The following PCDHGA4 variants were observed in gnomAD, a reference collection of about 807,000 sequenced individuals.
PCDHGA4 encodes the protein protocadherin gamma-A4.
PCDHGA4 carries 38 observed loss-of-function variants against 54.6 expected under a neutral mutation model. The observed-to-expected ratio is 0.70, with a 90% CI of 0.54 to 0.91. PCDHGA4 has a LOEUF of 0.91. Among genes scored for constraint, PCDHGA4 ranks in the 40% least tolerant of loss-of-function variants. The pLI, the probability that PCDHGA4 is intolerant of heterozygous loss-of-function variation, is 0.00. For synonymous variants in PCDHGA4, 511 were observed against 512.9 expected (o/e 1.00, Z 0.05); for missense variants, 1,298 against 1,220.9 (o/e 1.06, Z -0.94).
intron 1 of PCDHGA4, chr5:141,404,452 T>G (rs1197188094): frequency 2.5e-6 from 4 of 1,613,228 alleles, no homozygotes; most frequent in Non-Finnish European, 3.4e-6. Context: ...AAGGGTCTCC[T>G]CTCTCCACCT....
intron 1 of PCDHGA4, chr5:141,374,416 G>T (rs1770482486): frequency 6.2e-7 from 1 of 1,613,830 alleles, no homozygotes; most frequent in Non-Finnish European, 8.5e-7. Flanking sequence ...TCCTTGTCGA[G>T]GATAAACTGA....
chr5:141,427,197 A>C (rs1277186420), intron 1 of PCDHGA4: 4 of 456,762 alleles, frequency 8.8e-6, no homozygotes, highest in Admixed American at 2.3e-5. Context: ...CAAAGACTTA[A>C]TAGACTTCGA....
intron 1 of PCDHGA4, chr5:141,421,777 CG>C (rs760013586): frequency 1.2e-6 from 2 of 1,613,804 alleles, no homozygotes; most frequent in Admixed American, 3.3e-5. Flanking sequence ...CTTGCAACTG[CG>C]GGGCAGAACG....
chr5:141,360,997 G>T (rs766404886), intron 1 of PCDHGA4: 2 of 1,613,544 alleles, frequency 1.2e-6, no homozygotes, highest in Admixed American at 1.7e-5. Flanking sequence ...GGACGAACAA[G>T]TGAAACACTT....
chr5:141,425,217 T>G (rs565640413), intron 1 of PCDHGA4, among the ~76,000 whole-genome samples: 51 of 152,294 alleles, frequency 3.3e-4, no homozygotes, highest in Middle Eastern at 3.4e-3. Flanking sequence ...GCATTGTACT[T>G]TGACTGGAAT....
chr5:141,456,229 C>G (rs191169523), intron 1 of PCDHGA4, among the ~76,000 whole-genome samples: 9 of 152,234 alleles, frequency 5.9e-5, no homozygotes, highest in African/African-American at 1.7e-4. Context: ...ATCAAACTAA[C>G]TGCTGTTAGG....
At position 141,362,384 on chromosome 5, in the gene PCDHGA4, A is replaced by G. The variant is rs1333592752; in HGVS notation, c.2514+4763A>G. The G allele has an allele frequency of 1.9e-6, 3 of 1,614,042 alleles. No homozygotes were observed. The highest frequency in any genetic ancestry group is 2.5e-6 in the Non-Finnish European group (3 of 1,179,894). On this transcript the variant is annotated intron_variant, in intron 1 of 3. Coordinates refer to ENST00000571252, the MANE Select transcript of PCDHGA4 (RefSeq NM_018917.4). ...AATTACAGTGAGGGTACATTGCCCTATTCCTACAACCTGTGTGTTGCCTCA... is the reference window on the plus strand; with the variant it reads ...AATTACAGTGAGGGTACATTGCCCTGTTCCTACAACCTGTGTGTTGCCTCA...
chr5:141,415,048 G>C lies in PCDHGA4; in HGVS notation c.2514+57427G>C, dbSNP rs535976406. The C allele has an allele frequency of 5.0e-5, 80 of 1,613,320 alleles. 1 individual carries two copies. The Admixed American group carries it at 6.0e-4, about 12-fold the overall frequency. ...CGAGCCGGGACTCTTCGCGGTGGGG[G>C]AGCACACGGGCGAGGTGCGCACGGC... is the stretch of plus-strand genomic sequence containing the variant. On this transcript the variant is annotated intron_variant, in intron 1 of 3. Transcript: ENST00000571252.
intron 1 of PCDHGA4, chr5:141,409,464 C>G (rs1185218827): frequency 1.9e-6 from 3 of 1,613,940 alleles, no homozygotes; most frequent in Non-Finnish European, 1.7e-6. Context: ...TACAATGTCA[C>G]CATCGTAGCC....
chr5:141,372,633 A>C, intron 1 of PCDHGA4: 1 of 1,613,996 alleles, frequency 6.2e-7, no homozygotes, highest in Middle Eastern at 1.6e-4. Flanking sequence ...CAGCGAAAGG[A>C]CTTTGCCTTA....
intron 1 of PCDHGA4, among the ~76,000 whole-genome samples, chr5:141,473,195 C>T (rs1053769499): frequency 6.6e-6 from 1 of 152,104 alleles, no homozygotes; most frequent in African/African-American, 2.4e-5. Flanking sequence ...GTAAATGTAT[C>T]TTCTAAAAAA....
At chr5:141,423,754 GGGGGGGT>G in intron 1 of PCDHGA4, 1 of 577,826 alleles carries the variant, frequency 1.7e-6, no homozygotes, top group Non-Finnish European at 2.2e-6. Flanking sequence ...ACTGTTTGGG[GGGGGGGT>G]GGGGCGGCAT....
At chr5:141,509,887 T>C (rs138950510) in intron 3 of PCDHGA4, among the ~76,000 whole-genome samples, 1 of 152,314 alleles carries the variant, frequency 6.6e-6, no homozygotes, top group East Asian at 1.9e-4. Flanking sequence ...TGATGGTGAC[T>C]GACTGTCCCT....
intron 1 of PCDHGA4, chr5:141,419,568 A>T: frequency 1.2e-6 from 2 of 1,611,742 alleles, no homozygotes; most frequent in African/African-American, 2.7e-5. Flanking sequence ...CTGGGTCCCG[A>T]CGGCTCCGCG....
In PCDHGA4 at chr5:141,398,855, A is replaced by G. The variant is rs1376506270; in HGVS notation, c.2514+41234A>G. ...GCCAATGATAATCCCCCGGTATTCA[A>G]CCGAGACGTGTACAGAGTCAGCCTT... On this transcript the variant is annotated intron_variant, in intron 1 of 3. Coordinates refer to ENST00000571252, the MANE Select transcript of PCDHGA4 (RefSeq NM_018917.4). 2.5e-6 allele frequency: 4 copies of G among 1,613,852 alleles called. No individual in the cohort carries two copies. The African/African-American group carries it at 5.3e-5, about 22-fold the overall frequency.
intron 1 of PCDHGA4, chr5:141,393,026 G>A (rs1215893899): frequency 1.2e-6 from 2 of 1,613,832 alleles, no homozygotes; most frequent in East Asian, 4.5e-5. Context: ...CCAGAGGTAG[G>A]ACGCAGCTCT....
chr5:141,381,979 G>T (rs767842302), intron 1 of PCDHGA4, among the ~76,000 whole-genome samples: 1 of 151,486 alleles, frequency 6.6e-6, no homozygotes, highest in African/African-American at 2.4e-5. Context: ...ACAGGCGCGC[G>T]CCACCACGCC....
chr5:141,485,172 C>T lies in PCDHGA4; in HGVS notation c.2515-9635C>T, dbSNP rs377648315. 3.9e-5 allele frequency: 62 copies of T among 1,610,044 alleles called. No individual in the cohort carries two copies. The highest frequency in any genetic ancestry group is 5.1e-5 in the Non-Finnish European group (60 of 1,176,944). On this transcript the variant is annotated intron_variant, in intron 1 of 3. Coordinates refer to ENST00000571252, the MANE Select transcript of PCDHGA4 (RefSeq NM_018917.4). The surrounding 1 kb of genome is among the most constrained non-coding windows in gnomAD (Gnocchi z 5.7). ...CAAGTAGAGAATTAGCGGGCGGCAGCAATGCTCCGCAAGGTGAGAAGCTGG... is the reference window on the plus strand; with the variant it reads ...CAAGTAGAGAATTAGCGGGCGGCAGTAATGCTCCGCAAGGTGAGAAGCTGG...
chr5:141,421,457 C>T (rs377073702), intron 1 of PCDHGA4: 9 of 1,614,014 alleles, frequency 5.6e-6, no homozygotes, highest in African/African-American at 2.7e-5. Flanking sequence ...CAGCTTTTCG[C>T]TGTGAATCCG....
Sources: gnomAD v4.1 joint callset for allele counts (sites outside exome capture counted in the v4.1 genomes callset) on GRCh38, gnomAD v4.1.1 for gene constraint, Gnocchi (gnomAD v3.1) non-coding constraint, MANE v1.5 for transcripts, NCBI Gene and HGNC (gene_info 2026-07-23, HGNC 2026-07-21) for gene names.